Variants in ITGA11 observed in about 807,000 individuals in gnomAD.
The protein encoded by ITGA11 is integrin alpha-11.
ITGA11 carries 97 observed loss-of-function variants against 141.9 expected under a neutral mutation model. The observed-to-expected ratio is 0.68, with a 90% CI of 0.58 to 0.81. The LOEUF (loss-of-function observed/expected upper bound fraction) is 0.81, where lower values mean the gene tolerates loss of function less well. ITGA11 is among the 30% of genes least tolerant of loss of function. The probability of loss-of-function intolerance (pLI) is 0.00; values close to 1 mark genes in which losing one functional copy is unlikely to be tolerated. For synonymous variants in ITGA11, 658 were observed against 624.6 expected, an observed-to-expected ratio of 1.05 and a Z score of -0.80; for missense variants, 1,387 against 1,559.2, an observed-to-expected ratio of 0.89 and a Z score of 1.86.
At chr15:68,398,599 T>C (rs1005625086) in intron 2 of ITGA11, among the ~76,000 whole-genome samples, 5 of 121,592 alleles carry the variant, frequency 4.1e-5, no homozygotes, top group Non-Finnish European at 7.2e-5. Flanking sequence ...TTAAATATAA[T>C]ATAAATATAA....
Position 68,358,482 on chromosome 15 carries a change from A to C in ITGA11, c.576T>G (p.Phe192Leu). The change falls in exon 6 of 30, where the codon TTT (phenylalanine) becomes TTG (leucine). Residue 192 changes from phenylalanine to leucine, a missense_variant. Transcript: ENST00000315757. ...QHFLINILKK[F>L]YIGPGQIQVG... ...CCTGGATCTGCCCTGGGCCAATGTA[A>C]AACTTTTTCAGGATGTTGATGAGGA... 6.2e-7 allele frequency: 1 copy of C among 1,613,080 alleles called. No individual in the cohort carries two copies.
At chr15:68,360,612 C>T (rs1359521603) in intron 5 of ITGA11, among the ~76,000 whole-genome samples, 2 of 152,170 alleles carry the variant, frequency 1.3e-5, no homozygotes, top group African/African-American at 2.4e-5. Flanking sequence ...AGGAGGCCTC[C>T]ACCACATGAG....
intron 19 of ITGA11, 60 bp from the exon 20 acceptor site, chr15:68,320,452 G>T: frequency 6.9e-7 from 1 of 1,456,988 alleles, no homozygotes; most frequent in Non-Finnish European, 9.4e-7. Flanking sequence ...GGGGTAGAGA[G>T]GAGCCCCAGG....
At chr15:68,312,370 C>T (rs544436338) in intron 24 of ITGA11, among the ~76,000 whole-genome samples, 1 of 152,272 alleles carries the variant, frequency 6.6e-6, no homozygotes, top group East Asian at 1.9e-4. Flanking sequence ...CTGCAGCCAT[C>T]TTGTACTGTG....
Position 68,299,411 on chromosome 15 carries a change from T to A in ITGA11, c.*3648A>T, listed in dbSNP as rs965631275. 1 of 150,144 alleles carries A rather than the reference T, an allele frequency of 6.7e-6. No individual in the cohort carries two copies. The highest frequency in any genetic ancestry group is 2.1e-4 in the South Asian group (1 of 4,766). 9.3% of individuals were successfully genotyped at this position (150,144 alleles called of 1,614,324 possible). Reference sequence around the variant, plus strand: ...GATGTTAATATTAACATAAAGATAGTAGGGGAGTTTTTTTTTTTTTTAAAT... The same window carrying A: ...GATGTTAATATTAACATAAAGATAGAAGGGGAGTTTTTTTTTTTTTTAAAT... On this transcript the variant is annotated 3_prime_UTR_variant, in exon 30 of 30. Transcript: ENST00000315757.
intron 1 of ITGA11, among the ~76,000 whole-genome samples, chr15:68,414,188 A>AC (rs1896837634): frequency 1.3e-5 from 2 of 151,974 alleles, no homozygotes; most frequent in Admixed American, 1.3e-4. Flanking sequence ...CTGCCATCAG[A>AC]CCCCCTCTTA....
chr15:68,399,970 A>G (rs1484638282), intron 2 of ITGA11, among the ~76,000 whole-genome samples: 1 of 152,196 alleles, frequency 6.6e-6, no homozygotes, highest in Non-Finnish European at 1.5e-5. Flanking sequence ...GAAATAAAAA[A>G]GAAGAGAAAA....
Position 68,302,986 on chromosome 15 carries a change from C to A in ITGA11, c.*73G>T, listed in dbSNP as rs1389016989. 1 of 1,273,690 alleles carries A rather than the reference C, an allele frequency of 7.9e-7. No individual in the cohort carries two copies. Among genetic ancestry groups the A allele is most frequent in the Admixed American group, 2.5e-5 (1 of 39,400 alleles). 78.9% of individuals were successfully genotyped at this position (1,273,690 alleles called of 1,614,324 possible). On this transcript the variant is annotated 3_prime_UTR_variant, in exon 30 of 30. Transcript: ENST00000315757. ...TCCTCTCCGCTCCAGCTCGGTGGGG[C>A]CACAGGCCTGGGTCTCAACACTACC...
intron 2 of ITGA11, among the ~76,000 whole-genome samples, chr15:68,370,438 C>T (rs1187204255): frequency 2.0e-5 from 3 of 152,148 alleles, no homozygotes; most frequent in African/African-American, 7.2e-5. Context: ...CTCTCCAGGG[C>T]CCTCTACGCC....
Position 68,358,531 on chromosome 15 carries a change from T to C in ITGA11, c.527A>G (p.Tyr176Cys). ...GAAGTGCTGAACCTCCACCCAGGGG[T>C]AGATGCTGTTGGAGCCATCCAGGAC... Reference protein sequence around the residue: ...VIVLDGSNSIYPWVEVQHFLI... With the variant: ...VIVLDGSNSICPWVEVQHFLI... Residue 176 changes from tyrosine to cysteine, a missense_variant, in exon 6 of 30, where the codon TAC (tyrosine) becomes TGC (cysteine). Tyr to Cys is a radical substitution (Grantham distance 194). Coordinates refer to ENST00000315757, the MANE Select transcript of ITGA11 (RefSeq NM_001004439.2). 2 of 1,614,024 alleles carry C rather than the reference T, an allele frequency of 1.2e-6. No individual in the cohort carries two copies. The highest frequency in any genetic ancestry group is 1.7e-6 in the Non-Finnish European group (2 of 1,180,002).
Position 68,321,394 on chromosome 15 carries a change from TG to T in ITGA11, c.2408+23del, listed in dbSNP as rs772174893. ...GGCAGTGAAGGGGAAGGGGCGAGGGTGGGGGTGGAAGGAGCCAACTCACATG... is the reference window on the plus strand; with the variant it reads ...GGCAGTGAAGGGGAAGGGGCGAGGGTGGGGTGGAAGGAGCCAACTCACATG... On this transcript the variant is annotated intron_variant, in intron 19 of 29. Transcript: ENST00000315757. This position sits in a 1 kb window ranked among gnomAD's most constrained non-coding sequence, Gnocchi z 4.9. 12 of 1,486,218 alleles carry T rather than the reference TG, an allele frequency of 8.1e-6. No homozygotes were observed. In the South Asian group the frequency reaches 1.4e-4, roughly 17 times the overall value. The allele number at this position is 1,486,218 out of a possible 1,614,324, so 92.1% of individuals were successfully genotyped here. A position where few individuals can be genotyped will look rare whatever the true frequency, so the allele number is the denominator to read the frequency against.
At chr15:68,351,434 A>G (rs72743242) in intron 7 of ITGA11, 32 bp from the exon 8 acceptor site, 50,329 of 1,610,416 alleles carry the variant, frequency 0.031, 1,314 homozygotes, top group African/African-American at 0.14. Context: ...AGGGTCATGA[A>G]AGGTAAGTGG....
In ITGA11 at chr15:68,325,959, G is replaced by A. The variant is rs1893960539; in HGVS notation, c.2211+695C>T. On this transcript the variant is annotated intron_variant, in intron 17 of 29. Coordinates refer to ENST00000315757, the MANE Select transcript of ITGA11 (RefSeq NM_001004439.2). This position sits in a 1 kb window ranked among gnomAD's most constrained non-coding sequence, Gnocchi z 5.5. The stretch of plus-strand genomic sequence containing the variant: ...CCAGCCCCAGCCCCAGAGTTTCTGA[G>A]TCAGAACAAGTGAATTTCCAAGTTT... Among the ~76,000 whole-genome samples the A allele has an allele frequency of 6.6e-6, 1 of 152,224 alleles. No homozygotes were observed. The highest frequency in any genetic ancestry group is 2.1e-4 in the South Asian group (1 of 4,832).
intron 20 of ITGA11, among the ~76,000 whole-genome samples, chr15:68,319,830 T>C (rs1330333861): frequency 2.6e-5 from 4 of 152,186 alleles, no homozygotes; most frequent in Non-Finnish European, 5.9e-5. Context: ...CTGAAGTCAC[T>C]GAGGGAGCTT....
At chr15:68,392,557 C>T (rs1041630023) in intron 2 of ITGA11, among the ~76,000 whole-genome samples, 1 of 152,192 alleles carries the variant, frequency 6.6e-6, no homozygotes, top group Non-Finnish European at 1.5e-5. Flanking sequence ...GTCTCAAAAG[C>T]TCTGTTGAAA....
At chr15:68,360,234 G>C (rs1895197695) in intron 5 of ITGA11, among the ~76,000 whole-genome samples, 1 of 152,202 alleles carries the variant, frequency 6.6e-6, no homozygotes, top group South Asian at 2.1e-4. Flanking sequence ...TCTGCATGGT[G>C]CAGGCAGCAG....
Position 68,322,672 on chromosome 15 carries a change from A to G in ITGA11, c.2323-1169T>C, listed in dbSNP as rs1455948750. Among the ~76,000 whole-genome samples, 3 of 151,988 alleles carry G rather than the reference A, an allele frequency of 2.0e-5. No individual in the cohort carries two copies. The highest frequency in any genetic ancestry group is 4.4e-5 in the Non-Finnish European group (3 of 68,004). On this transcript the variant is annotated intron_variant, in intron 18 of 29. Transcript: ENST00000315757. The surrounding 1 kb of genome is among the most constrained non-coding windows in gnomAD (Gnocchi z 5.6). ...AACTGAGGTCAGGAGTTCAAGAACAACCAGGCCAACATGGTGAAACTTTGT... is the reference window on the plus strand; with the variant it reads ...AACTGAGGTCAGGAGTTCAAGAACAGCCAGGCCAACATGGTGAAACTTTGT...
At position 68,326,097 on chromosome 15, in the gene ITGA11, G is replaced by A. The variant is rs968915532; in HGVS notation, c.2211+557C>T. On this transcript the variant is annotated intron_variant, in intron 17 of 29. Coordinates refer to ENST00000315757, the MANE Select transcript of ITGA11 (RefSeq NM_001004439.2). This position sits in a 1 kb window ranked among gnomAD's most constrained non-coding sequence, Gnocchi z 6.8. ...TGAACTCTGGCCATTGAACTACTGG[G>A]ACCAGGAGGGCTCTGAGTGACCCTG... Among the ~76,000 whole-genome samples the A allele has an allele frequency of 2.0e-5, 3 of 152,226 alleles. No homozygotes were observed. Among genetic ancestry groups the A allele is most frequent in the Admixed American group, 2.0e-4 (3 of 15,278 alleles).
chr15:68,355,447 C>CTTTT (rs530960844), intron 7 of ITGA11, among the ~76,000 whole-genome samples: 1 of 150,772 alleles, frequency 6.6e-6, no homozygotes, highest in African/African-American at 2.5e-5. Context: ...TTCTTTTTTT[C>CTTTT]TTTTTTTCTT....
Sources: allele counts gnomAD v4.1 joint callset (sites outside exome capture counted in the v4.1 genomes callset), GRCh38; gene constraint gnomAD v4.1.1; non-coding constraint Gnocchi (gnomAD v3.1); transcripts MANE v1.5; gene names NCBI Gene and HGNC (gene_info 2026-07-23, HGNC 2026-07-21).